The following JMJD1C variants were observed in gnomAD, a reference collection of about 807,000 sequenced individuals.
JMJD1C encodes jumonji domain containing 1C.
Under a neutral mutation model 245.3 loss-of-function variants are expected in JMJD1C, and 31 were observed. That is an observed-to-expected ratio of 0.13 (90% CI 0.09 to 0.17). The LOEUF (loss-of-function observed/expected upper bound fraction) is 0.17, where lower values mean the gene tolerates loss of function less well. JMJD1C is among the 10% of genes least tolerant of loss of function. JMJD1C has a pLI of 1.00. For synonymous variants in JMJD1C, 1,057 were observed against 1,017.4 expected (o/e 1.04, Z -0.74); for missense variants, 2,691 against 3,000.2 (o/e 0.90, Z 2.41).
chr10:63,213,477 C>T lies in JMJD1C; in HGVS notation c.2690G>A (p.Arg897Lys). Residue 897 changes from arginine (R) to lysine (K), a missense_variant, in exon 8 of 26, where the codon AGG (arginine) becomes AAG (lysine). Around this residue, in one of 9 missense-constraint regions of JMJD1C, gnomAD observed 1,562 missense variants for 1,490.7 expected, o/e 1.05. Coordinates refer to ENST00000399262, the MANE Select transcript of JMJD1C (RefSeq NM_032776.3). ...ENAVNAEASL[R>K]RNSPSPWLHQ... ...GCAAACTACAGTGTAACTTACCCTCCTTAATGAAGCTTCAGCATTAACTGC... is the reference window on the plus strand; with the variant it reads ...GCAAACTACAGTGTAACTTACCCTCTTTAATGAAGCTTCAGCATTAACTGC... 1 of 1,579,708 alleles carries T rather than the reference C, an allele frequency of 6.3e-7. No individual in the cohort carries two copies. The highest frequency in any genetic ancestry group is 1.3e-5 in the African/African-American group (1 of 74,440).
At chr10:63,381,160 C>G (rs1201605898) in intron 1 of JMJD1C, among the ~76,000 whole-genome samples, 1 of 152,062 alleles carries the variant, frequency 6.6e-6, no homozygotes, top group African/African-American at 2.4e-5. Context: ...ATGAAGTAAG[C>G]CAGGTACAAA....
chr10:63,482,590 C>T (rs371960387), intron 1 of JMJD1C, among the ~76,000 whole-genome samples: 4 of 151,912 alleles, frequency 2.6e-5, no homozygotes, highest in East Asian at 1.9e-4. Flanking sequence ...GAGCTGACAT[C>T]GCGCCACTGC....
Position 63,405,624 on chromosome 10 carries a change from C to A in JMJD1C, c.169-25142G>T, listed in dbSNP as rs369201390. On this transcript the variant is annotated intron_variant, in intron 1 of 25. Transcript: ENST00000399262. ...AGGCATGAGCCACAGCGCCCAGCCC[C>A]ACATGTACATTTAAAAGGAAACAGT... Among the ~76,000 whole-genome samples the A allele has an allele frequency of 9.4e-4, 143 of 152,166 alleles. 4 individuals carry two copies. The South Asian group carries it at 0.027, about 29-fold the overall frequency.
Position 63,168,076 on chromosome 10 carries a change from T to G in JMJD1C, c.7592A>C (p.Glu2531Ala). The change falls in exon 26 of 26, where the codon GAG (glutamate) becomes GCG (alanine). Residue 2531 changes from glutamate to alanine, a missense_variant. Glu to Ala is a moderately radical substitution (Grantham distance 107, BLOSUM62 -1). Transcript: ENST00000399262. ...TTCTTCCATATCCTCTACTTCATCC[T>G]CGTGTATCTTCAAGGCTCTCACCAT... ...KEMVRALKIH[E>A]DEVEDMEEN is the part of the protein sequence containing the mutation. The G allele has an allele frequency of 6.2e-7, 1 of 1,604,162 alleles. No individual in the cohort carries two copies. The highest frequency in any genetic ancestry group is 1.3e-5 in the African/African-American group (1 of 74,898).
chr10:63,275,024 T>G (rs10761733), intron 2 of JMJD1C, among the ~76,000 whole-genome samples: 1 of 151,870 alleles, frequency 6.6e-6, no homozygotes, highest in Non-Finnish European at 1.5e-5. Context: ...TGCAAGATGC[T>G]GTCTCTAAAA....
intron 1 of JMJD1C, among the ~76,000 whole-genome samples, chr10:63,425,536 C>T (rs960409308): frequency 6.6e-6 from 1 of 152,154 alleles, no homozygotes; most frequent in African/African-American, 2.4e-5. Flanking sequence ...AATCCCAGGA[C>T]TTTGGGAGGC....
chr10:63,204,392 T>C, intron 10 of JMJD1C: 1 of 985,136 alleles, frequency 1.0e-6, no homozygotes. Flanking sequence ...TATATTCGTC[T>C]CAAGATGAAA....
Position 63,184,645 on chromosome 10 carries a change from T to G in JMJD1C, c.6924A>C (p.Val2308=). ...ACAACCTGGGTCCTAGATCAGGACG[T>G]ACAAAAAATCCTGGCAAATGAGAGG... The part of the protein sequence containing the change: ...NLASHLPGFF[V]RPDLGPRLCS... The change falls in exon 21 of 26, where the codon GTA becomes GTC. Residue 2308 remains valine, a synonymous_variant. Transcript: ENST00000399262. 1 of 1,613,886 alleles carries G rather than the reference T, an allele frequency of 6.2e-7. No homozygotes were observed. Among genetic ancestry groups the G allele is most frequent in the Non-Finnish European group, 8.5e-7 (1 of 1,179,864 alleles).
intron 2 of JMJD1C, among the ~76,000 whole-genome samples, chr10:63,332,039 T>C (rs1187240095): frequency 6.6e-6 from 1 of 152,230 alleles, no homozygotes; most frequent in Non-Finnish European, 1.5e-5. Flanking sequence ...AATATGCGTA[T>C]CTTAAAAACC....
At chr10:63,330,358 C>T (rs895020318) in intron 2 of JMJD1C, among the ~76,000 whole-genome samples, 3 of 152,102 alleles carry the variant, frequency 2.0e-5, no homozygotes, top group African/African-American at 7.2e-5. Flanking sequence ...TAAGAGAACA[C>T]ATGTAAATAA....
chr10:63,386,865 C>T (rs933378985), intron 1 of JMJD1C, among the ~76,000 whole-genome samples: 5 of 152,182 alleles, frequency 3.3e-5, no homozygotes, highest in African/African-American at 1.2e-4. Context: ...GCCCAAGAAT[C>T]GACCTGCACA....
At chr10:63,303,939 T>C (rs1332367451) in intron 2 of JMJD1C, among the ~76,000 whole-genome samples, 1 of 152,158 alleles carries the variant, frequency 6.6e-6, no homozygotes, top group African/African-American at 2.4e-5. Context: ...AACAATATAA[T>C]AGTTTCAGAA....
intron 2 of JMJD1C, among the ~76,000 whole-genome samples, chr10:63,352,099 A>T (rs527871517): frequency 2.6e-5 from 4 of 152,364 alleles, no homozygotes; most frequent in African/African-American, 9.6e-5. Flanking sequence ...ACCAATGAAG[A>T]CAGAAAACAA....
chr10:63,251,514 C>A (rs1853070512), intron 3 of JMJD1C, among the ~76,000 whole-genome samples: 2 of 152,048 alleles, frequency 1.3e-5, no homozygotes, highest in South Asian at 4.1e-4. Flanking sequence ...GTGAAGCAAT[C>A]TGAAGAAGAT....
At chr10:63,205,017 G>A in intron 10 of JMJD1C, 5 of 985,280 alleles carry the variant, frequency 5.1e-6, no homozygotes, top group Non-Finnish European at 6.0e-6. Context: ...AGTGCTTTCT[G>A]CATTGTGCAA....
intron 1 of JMJD1C, among the ~76,000 whole-genome samples, chr10:63,448,844 G>A (rs999911296): frequency 1.5e-4 from 23 of 152,138 alleles, no homozygotes; most frequent in African/African-American, 2.2e-4. Flanking sequence ...GAGGTCGGGC[G>A]CGGTGGCTCA....
intron 2 of JMJD1C, among the ~76,000 whole-genome samples, chr10:63,325,772 G>A (rs985683267): frequency 6.6e-6 from 1 of 151,944 alleles, no homozygotes; most frequent in Non-Finnish European, 1.5e-5. Flanking sequence ...ATTTATTCTG[G>A]ACACAGTTAA....
At position 63,295,938 on chromosome 10, in the gene JMJD1C, C is replaced by CATATATATATATAT. The variant is rs10653796; in HGVS notation, c.334-31175_334-31174insATATATATATATAT. 2.5e-3 allele frequency among the ~76,000 whole-genome samples: 291 copies of CATATATATATATAT among 115,132 alleles called. 2 individuals carry two copies. Among genetic ancestry groups the CATATATATATATAT allele is most frequent in the Middle Eastern group, 0.01 (2 of 198 alleles). 75.5% of individuals were successfully genotyped at this position (115,132 alleles called of 152,430 possible). A position where few individuals can be genotyped will look rare whatever the true frequency, so the allele number is the denominator to read the frequency against. ...ATGTATATACATGTACATGTGTATA[C>CATATATATATATAT]ATATATATATATACACGTATATGTG... On this transcript the variant is annotated intron_variant, in intron 2 of 25. Coordinates refer to ENST00000399262, the MANE Select transcript of JMJD1C (RefSeq NM_032776.3).
At chr10:63,239,004 T>G (rs993747914) in intron 3 of JMJD1C, among the ~76,000 whole-genome samples, 1 of 151,896 alleles carries the variant, frequency 6.6e-6, no homozygotes. Flanking sequence ...TGAGACAAAA[T>G]GGGTTGGCGG....
Sources: gnomAD v4.1 joint callset for allele counts (sites outside exome capture counted in the v4.1 genomes callset) on GRCh38, gnomAD v4.1.1 for gene constraint, gnomAD v4.1.1 regional missense constraint, MANE v1.5 for transcripts, NCBI Gene and HGNC (gene_info 2026-07-23, HGNC 2026-07-21) for gene names.